The following ADCY2 variants were observed in gnomAD, a reference collection of about 807,000 sequenced individuals.
ADCY2 encodes the protein adenylate cyclase 2, also known as adenylate cyclase type 2.
In ADCY2, 31 loss-of-function variants were observed where a neutral mutation model predicts 125.2. That is an observed-to-expected ratio of 0.25 (90% CI 0.19 to 0.33). The LOEUF is 0.33. Among genes scored for constraint, ADCY2 ranks in the 10% least tolerant of loss-of-function variants. ADCY2 has a pLI of 1.00. For missense variants in ADCY2, 904 were observed against 1,418.2 expected (o/e 0.64, Z 5.82); for synonymous variants, 512 against 548.4 (o/e 0.93, Z 0.93).
At chr5:7,556,463 T>C (rs765248141) in intron 3 of ADCY2, among the ~76,000 whole-genome samples, 3 of 152,264 alleles carry the variant, frequency 2.0e-5, no homozygotes, top group Non-Finnish European at 2.9e-5. Flanking sequence ...TGAGCCATTA[T>C]TGTGATTGTA....
intron 3 of ADCY2, among the ~76,000 whole-genome samples, chr5:7,615,056 C>T (rs1561126310): frequency 1.3e-5 from 2 of 152,158 alleles, no homozygotes; most frequent in Non-Finnish European, 1.5e-5. Context: ...CACATCTTCA[C>T]ATAGTGGAGC....
chr5:7,501,637 ATTCCCCCC>A (rs1281637540), intron 2 of ADCY2, among the ~76,000 whole-genome samples: 1 of 40,416 alleles, frequency 2.5e-5, no homozygotes, highest in African/African-American at 1.0e-4. Context: ...AAAGAATGAG[ATTCCCCCC>A]TCCCCCCCCC....
chr5:7,618,518 C>CT (rs1220798257), intron 3 of ADCY2, among the ~76,000 whole-genome samples: 7 of 152,190 alleles, frequency 4.6e-5, no homozygotes, highest in Non-Finnish European at 4.4e-5. Context: ...TTCTCCTAAA[C>CT]TAAGCTGCGT....
Position 7,617,434 on chromosome 5 carries a change from T to C in ADCY2, c.571-8733T>C, listed in dbSNP as rs1896706. Among the ~76,000 whole-genome samples the C allele has an allele frequency of 7.9e-3, 1,205 of 152,320 alleles. 18 individuals are homozygous for C. The highest frequency in any genetic ancestry group is 0.027 in the African/African-American group (1,135 of 41,568). On this transcript the variant is annotated intron_variant, in intron 3 of 24. Coordinates refer to ENST00000338316, the MANE Select transcript of ADCY2 (RefSeq NM_020546.3). ...CTTCAGAAATGTGAGGAAATAAATG[T>C]CTGCTATTTAAGCCACCCAGTCTGT...
chr5:7,732,592 A>AATAC (rs1452797174), intron 14 of ADCY2, among the ~76,000 whole-genome samples: 3 of 152,160 alleles, frequency 2.0e-5, no homozygotes, highest in African/African-American at 7.2e-5. Context: ...GTATTTTATG[A>AATAC]GGCATTTTTG....
chr5:7,657,422 G>A (rs898442907), intron 4 of ADCY2, among the ~76,000 whole-genome samples: 2 of 151,738 alleles, frequency 1.3e-5, no homozygotes, highest in African/African-American at 4.8e-5. Context: ...ACAAACATGG[G>A]AATAAATATG....
At chr5:7,571,776 C>T (rs1736072748) in intron 3 of ADCY2, among the ~76,000 whole-genome samples, 1 of 151,984 alleles carries the variant, frequency 6.6e-6, no homozygotes, top group East Asian at 1.9e-4. Context: ...TTTCCTGATC[C>T]TCTCCCTCCT....
At chr5:7,423,152 GT>G (rs1367140635) in intron 2 of ADCY2, among the ~76,000 whole-genome samples, 1 of 152,150 alleles carries the variant, frequency 6.6e-6, no homozygotes, top group African/African-American at 2.4e-5. Flanking sequence ...TGTTTTTGTT[GT>G]TTAATAACCA....
chr5:7,526,785 G>A (rs190112866), intron 3 of ADCY2, among the ~76,000 whole-genome samples: 144 of 152,084 alleles, frequency 9.5e-4, no homozygotes, highest in African/African-American at 2.8e-3. Flanking sequence ...ACTGAATTTC[G>A]AAGAAACATT....
At chr5:7,588,292 A>T (rs1736699131) in intron 3 of ADCY2, among the ~76,000 whole-genome samples, 1 of 152,252 alleles carries the variant, frequency 6.6e-6, no homozygotes, top group Non-Finnish European at 1.5e-5. Context: ...AAAAATCCAC[A>T]TAAATAGGAA....
At chr5:7,723,296 AAAG>A (rs1169602127) in intron 12 of ADCY2, among the ~76,000 whole-genome samples, 4 of 152,206 alleles carry the variant, frequency 2.6e-5, no homozygotes, top group Non-Finnish European at 4.4e-5. Flanking sequence ...AAATTTTTAA[AAAG>A]AAGTATTTTT....
chr5:7,598,396 C>G (rs576765474), intron 3 of ADCY2, among the ~76,000 whole-genome samples: 25 of 152,318 alleles, frequency 1.6e-4, no homozygotes, highest in African/African-American at 6.0e-4. Context: ...AAGAAGTTCA[C>G]TACTGTACTT....
At position 7,770,082 on chromosome 5, in the gene ADCY2, C is replaced by G. The variant is rs564442010; in HGVS notation, c.2215-2850C>G. On this transcript the variant is annotated intron_variant, in intron 17 of 24. Transcript: ENST00000338316. ...CAGGTTCCCAACCTACCTTTTTATG[C>G]CAGATCATCTCTTGCACAGTCTCCA... is the stretch of plus-strand genomic sequence containing the variant. 5.9e-5 allele frequency among the ~76,000 whole-genome samples: 9 copies of G among 152,260 alleles called. No homozygotes were observed. In the South Asian group the frequency reaches 1.9e-3, roughly 32 times the overall value.
At position 7,396,395 on chromosome 5, in the gene ADCY2, C is replaced by T. The variant is rs1306773194; in HGVS notation, c.99C>T (p.Leu33=). 6.4e-7 allele frequency: 1 copy of T among 1,571,358 alleles called. No homozygotes were observed. The part of the protein sequence containing the change: ...GDGLPRSRDW[L]YESYYCMSQQ... Reference sequence around the variant, plus strand: ...GGCTGCCGCGGTCCCGGGACTGGCTCTACGAGTCCTACTACTGCATGAGCC... The same window carrying T: ...GGCTGCCGCGGTCCCGGGACTGGCTTTACGAGTCCTACTACTGCATGAGCC... The change falls in exon 1 of 25, where the codon CTC becomes CTT. Residue 33 remains leucine (L), a synonymous_variant. Coordinates refer to ENST00000338316, the MANE Select transcript of ADCY2 (RefSeq NM_020546.3). The surrounding 1 kb of genome is among the most constrained non-coding windows in gnomAD (Gnocchi z 5.7).
chr5:7,804,443 C>G, intron 21 of ADCY2, 142 bp from the exon 22 acceptor site: 1 of 700,386 alleles, frequency 1.4e-6, no homozygotes, highest in South Asian at 1.6e-5. Flanking sequence ...CCTGGAAAAG[C>G]CCAGGGCCCA....
At chr5:7,493,000 C>T (rs1036517555) in intron 2 of ADCY2, among the ~76,000 whole-genome samples, 2 of 152,068 alleles carry the variant, frequency 1.3e-5, no homozygotes, top group Non-Finnish European at 2.9e-5. Flanking sequence ...TGTGCTCAGC[C>T]GGGGTTCTGA....
At chr5:7,681,725 T>C (rs1740345628) in intron 4 of ADCY2, among the ~76,000 whole-genome samples, 1 of 152,074 alleles carries the variant, frequency 6.6e-6, no homozygotes, top group Non-Finnish European at 1.5e-5. Flanking sequence ...GGGATACTTG[T>C]GGTACTCGCC....
intron 3 of ADCY2, among the ~76,000 whole-genome samples, chr5:7,524,369 C>T (rs1734371237): frequency 6.6e-6 from 1 of 152,120 alleles, no homozygotes; most frequent in Non-Finnish European, 1.5e-5. Context: ...TACTACAGTA[C>T]CATTCTCCTA....
At chr5:7,438,374 C>G (rs746061573) in intron 2 of ADCY2, among the ~76,000 whole-genome samples, 1 of 152,312 alleles carries the variant, frequency 6.6e-6, no homozygotes, top group South Asian at 2.1e-4. Context: ...AAGGAGCAAA[C>G]ATAACATGCA....
Sources: gnomAD v4.1 joint callset for allele counts (sites outside exome capture counted in the v4.1 genomes callset) on GRCh38, gnomAD v4.1.1 for gene constraint, Gnocchi (gnomAD v3.1) non-coding constraint, MANE v1.5 for transcripts, NCBI Gene and HGNC (gene_info 2026-07-23, HGNC 2026-07-21) for gene names.